ITPR2: variants seen among roughly 807,000 people sequenced by gnomAD.
The protein encoded by ITPR2 is inositol 1,4,5-trisphosphate receptor type 2.
ITPR2 carries 207 observed loss-of-function variants against 317.1 expected under a neutral mutation model. That is an observed-to-expected ratio of 0.65 (90% CI 0.58 to 0.73). ITPR2 has a LOEUF of 0.73. Ranked by LOEUF, ITPR2 falls within the 30% of genes least tolerant of loss-of-function variation. ITPR2 has a pLI of 0.00. For synonymous variants in ITPR2, 1,156 were observed against 1,149.1 expected, an observed-to-expected ratio of 1.01 and a Z score of -0.12; for missense variants, 2,613 against 3,284.0, an observed-to-expected ratio of 0.80 and a Z score of 4.99.
chr12:26,670,764 G>A (rs1398366717), intron 13 of ITPR2, among the ~76,000 whole-genome samples: 5 of 152,138 alleles, frequency 3.3e-5, no homozygotes, highest in South Asian at 2.1e-4. Flanking sequence ...GCTACAGGAG[G>A]AAATTCAAAC....
chr12:26,425,997 C>G (rs1347467872), intron 49 of ITPR2, among the ~76,000 whole-genome samples: 2 of 152,208 alleles, frequency 1.3e-5, no homozygotes, highest in Non-Finnish European at 2.9e-5. Flanking sequence ...TATTCCTTAT[C>G]TCTTTATATA....
intron 55 of ITPR2, among the ~76,000 whole-genome samples, chr12:26,377,304 C>T (rs1164820254): frequency 6.6e-6 from 1 of 152,202 alleles, no homozygotes; most frequent in African/African-American, 2.4e-5. Flanking sequence ...TTTACCAAAG[C>T]TTCCCAAGGG....
At chr12:26,530,702 TG>T (rs1007553756) in intron 37 of ITPR2, among the ~76,000 whole-genome samples, 7 of 152,206 alleles carry the variant, frequency 4.6e-5, no homozygotes, top group African/African-American at 1.7e-4. Flanking sequence ...GATGTGGTTG[TG>T]GGTAGAAAGG....
intron 37 of ITPR2, among the ~76,000 whole-genome samples, chr12:26,538,730 C>T (rs569123363): frequency 1.3e-5 from 2 of 152,204 alleles, no homozygotes; most frequent in South Asian, 4.2e-4. Flanking sequence ...GTGTGCACCA[C>T]CATGCCAGGC....
chr12:26,505,292 TA>T (rs1288546537), intron 37 of ITPR2, among the ~76,000 whole-genome samples: 1 of 152,218 alleles, frequency 6.6e-6, no homozygotes, highest in Non-Finnish European at 1.5e-5. Flanking sequence ...TAGGGGATGA[TA>T]CACAATGCAA....
intron 26 of ITPR2, among the ~76,000 whole-genome samples, chr12:26,603,082 T>G (rs1216004839): frequency 6.6e-6 from 1 of 152,134 alleles, no homozygotes; most frequent in African/African-American, 2.4e-5. Flanking sequence ...AAAGATAATT[T>G]AATCACTAGG....
In ITPR2 at chr12:26,628,002, AAAAAGAGTAAATACTGTCACAAAAAG is replaced by A; in HGVS notation, c.3064+5_3064+30del. 6.4e-7 allele frequency: 1 copy of A among 1,552,322 alleles called. No individual in the cohort carries two copies. Among genetic ancestry groups the A allele is most frequent in the Non-Finnish European group, 8.7e-7 (1 of 1,150,808 alleles). ...TTTCAAGTTCTCAGAAAAATAAAAT[AAAAAGAGTAAATACTGTCACAAAAAG>A]ATACCTGATGGTAGTAAAGTGTCTG... On this transcript the variant is annotated splice_donor_5th_base_variant and intron_variant, in intron 23 of 56. Coordinates refer to ENST00000381340, the MANE Select transcript of ITPR2 (RefSeq NM_002223.4).
intron 15 of ITPR2, among the ~76,000 whole-genome samples, chr12:26,661,321 C>T (rs970257760): frequency 1.4e-5 from 2 of 138,592 alleles, no homozygotes; most frequent in Non-Finnish European, 3.0e-5. Flanking sequence ...CGAGCGCACA[C>T]GTGTGTGTGT....
At chr12:26,442,491 C>T (rs1396543142) in intron 46 of ITPR2, among the ~76,000 whole-genome samples, 1 of 152,174 alleles carries the variant, frequency 6.6e-6, no homozygotes, top group African/African-American at 2.4e-5. Flanking sequence ...AACCAAACTT[C>T]TCCCATGGCC....
At chr12:26,592,489 T>C (rs1198906051) in intron 32 of ITPR2, among the ~76,000 whole-genome samples, 1 of 152,208 alleles carries the variant, frequency 6.6e-6, no homozygotes, top group Non-Finnish European at 1.5e-5. Flanking sequence ...TCATTACACA[T>C]TATATGGCTG....
intron 2 of ITPR2, among the ~76,000 whole-genome samples, chr12:26,770,024 C>T (rs914000554): frequency 6.1e-4 from 93 of 152,250 alleles, no homozygotes; most frequent in African/African-American, 2.1e-3. Context: ...GATAGAAATA[C>T]TCTAACCCTA....
In ITPR2 at chr12:26,415,312, G is replaced by C. The variant is rs748310246; in HGVS notation, c.7297C>G (p.Pro2433Ala). ...GTGGTAATAGCAATACCTGTAACAG[G>C]AGTTCGGTTTTTCAGCCTATCAACT... ...MEVDRLKNRTPVTGSHQVPTM... is the reference protein window; with the variant it reads ...MEVDRLKNRTAVTGSHQVPTM... Residue 2433 changes from proline (P) to alanine (A), a missense_variant, in exon 51 of 57, where the codon CCT (proline) becomes GCT (alanine). Pro to Ala is a conservative substitution (Grantham distance 27). Coordinates refer to ENST00000381340, the MANE Select transcript of ITPR2 (RefSeq NM_002223.4). 2.5e-6 allele frequency: 4 copies of C among 1,600,414 alleles called. No homozygotes were observed. Among genetic ancestry groups the C allele is most frequent in the Admixed American group, 1.7e-5 (1 of 57,814 alleles).
At chr12:26,596,646 C>CAA (rs35579016) in intron 31 of ITPR2, among the ~76,000 whole-genome samples, 23 of 87,356 alleles carry the variant, frequency 2.6e-4, no homozygotes, top group East Asian at 8.2e-4. Context: ...AACTCTGTCT[C>CAA]AAAAAAAAAA....
At chr12:26,486,823 T>C (rs2136850379) in intron 40 of ITPR2, 1 of 651,210 alleles carries the variant, frequency 1.5e-6, no homozygotes, top group East Asian at 3.1e-5. Flanking sequence ...TTACCATGCA[T>C]GCCACAATGA....
chr12:26,573,151 T>C (rs956189993), intron 34 of ITPR2, among the ~76,000 whole-genome samples: 1 of 152,076 alleles, frequency 6.6e-6, no homozygotes, highest in Non-Finnish European at 1.5e-5. Flanking sequence ...AGCTCCTAAG[T>C]AGCTAGGACT....
intron 1 of ITPR2, among the ~76,000 whole-genome samples, chr12:26,790,651 A>G (rs1406713706): frequency 6.6e-6 from 1 of 152,026 alleles, no homozygotes; most frequent in Non-Finnish European, 1.5e-5. Context: ...AATGGAACAC[A>G]GCAAAACATT....
chr12:26,669,985 G>A (rs1054910867), intron 13 of ITPR2, among the ~76,000 whole-genome samples: 32 of 152,222 alleles, frequency 2.1e-4, no homozygotes, highest in African/African-American at 7.7e-4. Flanking sequence ...AGGCGGCAGC[G>A]AGGCTGGGGG....
At chr12:26,527,458 T>G (rs16930939) in intron 37 of ITPR2, among the ~76,000 whole-genome samples, 13,423 of 152,272 alleles carry the variant, frequency 0.088, 761 homozygotes, top group African/African-American at 0.16. Flanking sequence ...ATATTTGGCA[T>G]TTTGGGGAAT....
chr12:26,669,110 G>A (rs1014803833), intron 13 of ITPR2, among the ~76,000 whole-genome samples: 1 of 151,678 alleles, frequency 6.6e-6, no homozygotes, highest in Non-Finnish European at 1.5e-5. Flanking sequence ...GACAGGGCAA[G>A]ATCCTGTCTC....
Sources: allele counts gnomAD v4.1 joint callset (sites outside exome capture counted in the v4.1 genomes callset), GRCh38; gene constraint gnomAD v4.1.1; transcripts MANE v1.5; gene names NCBI Gene and HGNC (gene_info 2026-07-23, HGNC 2026-07-21).